ABCA1: variants seen among roughly 807,000 people sequenced by gnomAD.
ABCA1 encodes ATP binding cassette subfamily A member 1, also known as phospholipid-transporting ATPase ABCA1.
ABCA1 carries 133 observed loss-of-function variants against 262.5 expected under a neutral mutation model. The observed-to-expected ratio is 0.51, with a 90% confidence interval of 0.44 to 0.59. The LOEUF is 0.59. Among genes scored for constraint, ABCA1 ranks in the 20% least tolerant of loss-of-function variants. The pLI is 0.00. For missense variants in ABCA1, 2,452 were observed against 2,777.5 expected (o/e 0.88, Z 2.63); for synonymous variants, 1,022 against 1,043.5 (o/e 0.98, Z 0.40).
intron 5 of ABCA1, among the ~76,000 whole-genome samples, chr9:104,868,900 C>A (rs1030505675): frequency 6.6e-6 from 1 of 151,704 alleles, no homozygotes; most frequent in Non-Finnish European, 1.5e-5. Flanking sequence ...AGGGGTATGA[C>A]GCGGGGTGGG....
chr9:104,916,908 T>C (rs932523500), intron 1 of ABCA1, among the ~76,000 whole-genome samples: 3 of 152,170 alleles, frequency 2.0e-5, no homozygotes, highest in Non-Finnish European at 4.4e-5. Context: ...AGAAAACTGT[T>C]TGGGACTTGG....
At position 104,812,710 on chromosome 9, in the gene ABCA1, G is replaced by A. The variant is rs1422196563; in HGVS notation, c.3914C>T (p.Thr1305Ile). 1.2e-6 allele frequency: 2 copies of A among 1,614,220 alleles called. No homozygotes were observed. The highest frequency in any genetic ancestry group is 2.2e-5 in the South Asian group (2 of 91,082). ...GCCATCCATCCCACTGAGCAAGTCT[G>A]TCTCTCTGGATTCTGCAAGAAGCCA... ...DSDIDPESRE[T>I]DLLSGMDGKG... Residue 1305 changes from threonine to isoleucine, a missense_variant, in exon 28 of 50, where the codon ACA (threonine) becomes ATA (isoleucine). This residue lies in a region of ABCA1 where 665 missense variants were observed against 727.3 expected (regional missense o/e 0.91). Transcript: ENST00000374736.
intron 15 of ABCA1, among the ~76,000 whole-genome samples, chr9:104,827,600 T>C (rs1258434617): frequency 6.6e-6 from 1 of 152,184 alleles, no homozygotes; most frequent in Non-Finnish European, 1.5e-5. Context: ...TTGATCACCA[T>C]GGATTCTGCA....
chr9:104,855,628 T>C lies in ABCA1; in HGVS notation c.720+2894A>G, dbSNP rs1663912808. The C allele has an allele frequency of 5.5e-6, 8 of 1,445,046 alleles. No homozygotes were observed. In the South Asian group the frequency reaches 9.2e-5, roughly 17 times the overall value. 89.5% of individuals were successfully genotyped at this position (1,445,046 alleles called of 1,614,324 possible). A position where few individuals can be genotyped will look rare whatever the true frequency, so the allele number is the denominator to read the frequency against. ...GCCAGGCCCCACACCAGGCTCTTCA[T>C]ATGTGTAACCAATAATCACAACAAA... On this transcript the variant is annotated intron_variant, in intron 7 of 49. Transcript: ENST00000374736.
chr9:104,786,507 T>G, intron 47 of ABCA1, 117 bp from the exon 48 acceptor site: 1 of 918,084 alleles, frequency 1.1e-6, no homozygotes, highest in South Asian at 1.3e-5. Context: ...TACAAGTACA[T>G]GTGGATATAG....
rs1394545102 is a variant in ABCA1 at position 104,804,773 on chromosome 9, C to A, written c.4465-53G>T. On this transcript the variant is annotated intron_variant, in intron 31 of 49. Transcript: ENST00000374736. ...GGGTCTTTATAGACAAGAATTGAAA[C>A]AGAAAACAAATCAAGGACAACAGTG... The A allele has an allele frequency of 5.4e-6, 8 of 1,478,864 alleles. No homozygotes were observed. In the African/African-American group the frequency reaches 9.7e-5, roughly 18 times the overall value. The allele number at this position is 1,478,864 out of a possible 1,614,324, so 91.6% of individuals were successfully genotyped here.
rs1325240821 is a variant in ABCA1 at position 104,881,552 on chromosome 9, TCATTAACAG to T, written c.421+1478_421+1486del. 3.3e-5 allele frequency among the ~76,000 whole-genome samples: 5 copies of T among 152,172 alleles called. No homozygotes were observed. The East Asian group carries it at 9.6e-4, about 29-fold the overall frequency. ...TTTTTAAGCAATTACATGTTTTATCTCATTAACAGGTAAGAAGAAGTGGCTGAAAGGGTG... is the reference window on the plus strand; with the variant it reads ...TTTTTAAGCAATTACATGTTTTATCTGTAAGAAGAAGTGGCTGAAAGGGTG... On this transcript the variant is annotated intron_variant, in intron 5 of 49. Transcript: ENST00000374736.
chr9:104,838,541 C>T (rs374891248), intron 9 of ABCA1, among the ~76,000 whole-genome samples: 3 of 150,620 alleles, frequency 2.0e-5, no homozygotes, highest in East Asian at 2.0e-4. Context: ...GGCGTGAACC[C>T]GGGAGGCGGA....
At chr9:104,864,652 G>A (rs899494957) in intron 5 of ABCA1, among the ~76,000 whole-genome samples, 3 of 152,052 alleles carry the variant, frequency 2.0e-5, no homozygotes, top group African/African-American at 7.2e-5. Flanking sequence ...CACTGACTAG[G>A]TGGGCCATAG....
chr9:104,828,655 G>A, intron 15 of ABCA1, among the ~76,000 whole-genome samples: 1 of 152,154 alleles, frequency 6.6e-6, no homozygotes, highest in Non-Finnish European at 1.5e-5. Flanking sequence ...TGGCACAGTT[G>A]AGCATGTGGT....
intron 31 of ABCA1, 22 bp from the exon 32 acceptor site, chr9:104,804,742 G>A (rs1167547450): frequency 6.3e-7 from 1 of 1,577,134 alleles, no homozygotes. Flanking sequence ...TGAAAACCAA[G>A]CATACGGGTC....
At chr9:104,898,596 A>G (rs1840412717) in intron 2 of ABCA1, among the ~76,000 whole-genome samples, 1 of 138,194 alleles carries the variant, frequency 7.2e-6, no homozygotes, top group African/African-American at 2.9e-5. Context: ...AAATAAATAA[A>G]TATTAAATTA....
At chr9:104,803,872 G>A (rs2118904645) in intron 32 of ABCA1, among the ~76,000 whole-genome samples, 1 of 152,276 alleles carries the variant, frequency 6.6e-6, no homozygotes, top group African/African-American at 2.4e-5. Context: ...CTCCTAAAGT[G>A]CTGGGATTAC....
chr9:104,837,629 AG>A, intron 9 of ABCA1, 62 bp from the exon 10 acceptor site: 3 of 1,593,920 alleles, frequency 1.9e-6, no homozygotes, highest in Non-Finnish European at 1.7e-6. Flanking sequence ...GAAACTTACA[AG>A]GGCTTTGGAG....
chr9:104,849,984 G>C lies in ABCA1; in HGVS notation c.721-4415C>G, dbSNP rs144006107. 5.9e-3 allele frequency among the ~76,000 whole-genome samples: 903 copies of C among 152,334 alleles called. 3 individuals are homozygous for C. The highest frequency in any genetic ancestry group is 0.011 in the Non-Finnish European group (725 of 68,032). On this transcript the variant is annotated intron_variant, in intron 7 of 49. Transcript: ENST00000374736. ...ATATAGAGGATTAAAACATCCAACT[G>C]CAAGACAAGAGTTATCTCTGAAGAA...
chr9:104,803,171 T>C (rs1830485660), intron 33 of ABCA1, 113 bp downstream of exon 33: 4 of 1,205,792 alleles, frequency 3.3e-6, no homozygotes, highest in Admixed American at 3.4e-5. Context: ...CACAGTGAGA[T>C]GGCACCCACA....
intron 24 of ABCA1, 76 bp from the exon 25 acceptor site, chr9:104,816,421 C>A: frequency 4.2e-6 from 6 of 1,415,822 alleles, no homozygotes; most frequent in Non-Finnish European, 6.0e-6. Flanking sequence ...ATCCCCCACC[C>A]TCTCATCAGA....
At chr9:104,789,785 T>C (rs1829251874) in intron 44 of ABCA1, among the ~76,000 whole-genome samples, 1 of 151,712 alleles carries the variant, frequency 6.6e-6, no homozygotes, top group African/African-American at 2.4e-5. Context: ...TGCCTTGTAC[T>C]ATCTCTCCAC....
At chr9:104,898,822 C>G (rs1840431349) in intron 2 of ABCA1, among the ~76,000 whole-genome samples, 1 of 152,102 alleles carries the variant, frequency 6.6e-6, no homozygotes, top group African/African-American at 2.4e-5. Flanking sequence ...AACTTCAGGG[C>G]TCTCAGCTTT....
Sources: gnomAD v4.1 joint callset for allele counts (sites outside exome capture counted in the v4.1 genomes callset) on GRCh38, gnomAD v4.1.1 for gene constraint, gnomAD v4.1.1 regional missense constraint, MANE v1.5 for transcripts, NCBI Gene and HGNC (gene_info 2026-07-23, HGNC 2026-07-21) for gene names.